PTPRD: variants seen among roughly 807,000 people sequenced by gnomAD.
PTPRD encodes receptor-type tyrosine-protein phosphatase delta.
In PTPRD, 34 loss-of-function variants were observed where a neutral mutation model predicts 214.5. That is an observed-to-expected ratio of 0.16 (90% CI 0.12 to 0.21). The LOEUF (loss-of-function observed/expected upper bound fraction) is 0.21, where lower values mean the gene tolerates loss of function less well. PTPRD is among the 10% of genes least tolerant of loss of function. The pLI, the probability that PTPRD is intolerant of heterozygous loss-of-function variation, is 1.00. For missense variants in PTPRD, 2,545 were observed against 2,398.7 expected, an observed-to-expected ratio of 1.06 and a Z score of -1.27; for synonymous variants, 1,128 against 845.7, an observed-to-expected ratio of 1.33 and a Z score of -5.79.
At chr9:10,192,735 C>G (rs2099373765) in intron 3 of PTPRD, among the ~76,000 whole-genome samples, 2 of 152,072 alleles carry the variant, frequency 1.3e-5, no homozygotes, top group African/African-American at 4.8e-5. Flanking sequence ...AGGAATAGCT[C>G]AACTAGAGAG....
At chr9:8,681,815 C>G (rs1014864847) in intron 12 of PTPRD, among the ~76,000 whole-genome samples, 1 of 152,174 alleles carries the variant, frequency 6.6e-6, no homozygotes, top group East Asian at 1.9e-4. Context: ...TAAAAAGCAA[C>G]TACAGCAATA....
chr9:10,144,116 T>A (rs979821434), intron 3 of PTPRD, among the ~76,000 whole-genome samples: 6 of 152,120 alleles, frequency 3.9e-5, no homozygotes, highest in Non-Finnish European at 7.4e-5. Flanking sequence ...AAAGTAATTT[T>A]AAAAATAAAT....
At chr9:9,712,867 G>C (rs188196223) in intron 7 of PTPRD, among the ~76,000 whole-genome samples, 7 of 152,042 alleles carry the variant, frequency 4.6e-5, no homozygotes, top group Non-Finnish European at 8.8e-5. Context: ...GTTTTTAATA[G>C]GTTATGTTAT....
chr9:10,135,914 C>A (rs1340653129), intron 3 of PTPRD, among the ~76,000 whole-genome samples: 1 of 150,098 alleles, frequency 6.7e-6, no homozygotes, highest in Non-Finnish European at 1.5e-5. Context: ...AAAAACCTGA[C>A]TTGAAAAGCA....
intron 9 of PTPRD, among the ~76,000 whole-genome samples, chr9:9,241,827 G>C (rs2099970508): frequency 6.6e-6 from 1 of 151,768 alleles, no homozygotes. Flanking sequence ...TTTAATTGGA[G>C]CATTTAGCCC....
rs562020249 is a variant in PTPRD, at chr9:8,512,373, T to G, written c.1544-4939A>C. Reference sequence around the variant, plus strand: ...GAGAAAAAGTTAAATTTTATTATAGTTGTATTTATATCCAGTGCTCCTTTA... The same window carrying G: ...GAGAAAAAGTTAAATTTTATTATAGGTGTATTTATATCCAGTGCTCCTTTA... On this transcript the variant is annotated intron_variant, in intron 21 of 45. Coordinates refer to ENST00000381196, the MANE Select transcript of PTPRD (RefSeq NM_002839.4). Among the ~76,000 whole-genome samples, 9 of 152,200 alleles carry G rather than the reference T, an allele frequency of 5.9e-5. No individual in the cohort carries two copies. The East Asian group carries it at 1.7e-3, about 29-fold the overall frequency.
Position 10,028,532 on chromosome 9 carries a change from G to A in PTPRD, c.-472+5186C>T, listed in dbSNP as rs146744152. On this transcript the variant is annotated intron_variant, in intron 4 of 45. Coordinates refer to ENST00000381196, the MANE Select transcript of PTPRD (RefSeq NM_002839.4). ...TTGACCAAAATGCTGATAATGATAT[G>A]GATAATGAAATCCAGACTGAGGTGG... is the stretch of plus-strand genomic sequence containing the variant. 7.9e-5 allele frequency among the ~76,000 whole-genome samples: 12 copies of A among 152,184 alleles called. No individual in the cohort carries two copies. In the East Asian group the frequency reaches 2.1e-3, roughly 27 times the overall value.
At chr9:8,800,208 T>C (rs1246510167) in intron 11 of PTPRD, among the ~76,000 whole-genome samples, 2 of 152,132 alleles carry the variant, frequency 1.3e-5, no homozygotes, top group African/African-American at 2.4e-5. Flanking sequence ...AAAGTTTTAA[T>C]GACTTCATTT....
intron 3 of PTPRD, among the ~76,000 whole-genome samples, chr9:10,322,471 A>G (rs571850185): frequency 2.6e-5 from 4 of 152,108 alleles, no homozygotes; most frequent in African/African-American, 9.6e-5. Context: ...AACCTATAAT[A>G]TACAGTGATT....
intron 8 of PTPRD, among the ~76,000 whole-genome samples, chr9:9,473,023 T>C (rs1028905401): frequency 6.6e-6 from 1 of 152,178 alleles, no homozygotes; most frequent in Non-Finnish European, 1.5e-5. Context: ...TATGAAATTA[T>C]TGTTAATGAA....
chr9:9,055,009 G>A (rs189854344), intron 10 of PTPRD, among the ~76,000 whole-genome samples: 2 of 152,072 alleles, frequency 1.3e-5, no homozygotes, highest in Non-Finnish European at 2.9e-5. Flanking sequence ...AAATTAAGGA[G>A]TTACATATTT....
At chr9:10,511,976 G>A (rs71492020) in intron 2 of PTPRD, among the ~76,000 whole-genome samples, 13,741 of 50,122 alleles carry the variant, frequency 0.27, 1,814 homozygotes, top group African/African-American at 0.5. Context: ...ACGTGTGTGT[G>A]TATATATATA....
chr9:10,176,487 C>A (rs896082612), intron 3 of PTPRD, among the ~76,000 whole-genome samples: 1 of 151,978 alleles, frequency 6.6e-6, no homozygotes, highest in Admixed American at 6.6e-5. Flanking sequence ...AATCAATTAT[C>A]AGACCTGTAA....
intron 14 of PTPRD, among the ~76,000 whole-genome samples, chr9:8,610,887 T>C (rs1261570479): frequency 6.6e-6 from 1 of 152,168 alleles, no homozygotes. Context: ...CCCAGAAAAA[T>C]AACTTTACTA....
At chr9:9,359,317 T>C (rs1437374035) in intron 9 of PTPRD, among the ~76,000 whole-genome samples, 1 of 151,292 alleles carries the variant, frequency 6.6e-6, no homozygotes, top group African/African-American at 2.4e-5. Flanking sequence ...TTATGATTTT[T>C]CTAAGGAATA....
At position 9,992,915 on chromosome 9, in the gene PTPRD, G is replaced by A. The variant is rs368874432; in HGVS notation, c.-472+40803C>T. ...GTATACATATGTTACAAACCTGCAC[G>A]TTGTGCACATGTACCCTAGAACTTA... On this transcript the variant is annotated intron_variant, in intron 4 of 45. Transcript: ENST00000381196. Among the ~76,000 whole-genome samples, 45 of 151,988 alleles carry A rather than the reference G, an allele frequency of 3.0e-4. 1 individual carries two copies. The East Asian group carries it at 4.8e-3, about 16-fold the overall frequency.
chr9:8,661,180 A>G (rs1357582315), intron 12 of PTPRD, among the ~76,000 whole-genome samples: 1 of 152,126 alleles, frequency 6.6e-6, no homozygotes, highest in Non-Finnish European at 1.5e-5. Flanking sequence ...TGCTCTGGAC[A>G]TAAAGATCTA....
intron 3 of PTPRD, among the ~76,000 whole-genome samples, chr9:10,134,450 A>G (rs902727031): frequency 6.6e-6 from 1 of 152,138 alleles, no homozygotes; most frequent in Non-Finnish European, 1.5e-5. Context: ...AAAATACAAA[A>G]CAGGCAGGCA....
At chr9:8,934,491 A>AAATT in intron 11 of PTPRD, among the ~76,000 whole-genome samples, 1 of 7,320 alleles carries the variant, frequency 1.4e-4, no homozygotes, top group East Asian at 2.9e-3. Flanking sequence ...ATATATATAT[A>AAATT]TAAATATATA....
Sources: allele counts gnomAD v4.1 joint callset (sites outside exome capture counted in the v4.1 genomes callset), GRCh38; gene constraint gnomAD v4.1.1; transcripts MANE v1.5; gene names NCBI Gene and HGNC (gene_info 2026-07-23, HGNC 2026-07-21).